The following PAX5 variants were observed in gnomAD, a reference collection of about 807,000 sequenced individuals.
PAX5 encodes the protein paired box protein Pax-5.
In PAX5, 9 loss-of-function variants were observed where a neutral mutation model predicts 43.7. That is an observed-to-expected ratio of 0.21 (90% confidence interval 0.12 to 0.36). The LOEUF (loss-of-function observed/expected upper bound fraction) is 0.36. PAX5 is among the 10% of genes least tolerant of loss of function. The probability of loss-of-function intolerance (pLI) is 1.00; values close to 1 mark genes in which losing one functional copy is unlikely to be tolerated. For missense variants in PAX5, 383 were observed against 532.7 expected (o/e 0.72, Z 2.77); for synonymous variants, 228 against 214.3 (o/e 1.06, Z -0.56).
At chr9:36,862,904 T>TA (rs1307234779) in intron 8 of PAX5, among the ~76,000 whole-genome samples, 2 of 152,124 alleles carry the variant, frequency 1.3e-5, no homozygotes, top group African/African-American at 4.8e-5. Flanking sequence ...AAGATGCCCT[T>TA]AAAACAGACC....
intron 8 of PAX5, chr9:36,860,990 C>G (rs1335079051): frequency 2.0e-5 from 3 of 152,314 alleles, no homozygotes; most frequent in Admixed American, 6.5e-5. Flanking sequence ...AGCCCACACA[C>G]CTGGCTGAGA....
chr9:36,976,447 G>C (rs1393843977), intron 5 of PAX5, among the ~76,000 whole-genome samples: 1 of 152,110 alleles, frequency 6.6e-6, no homozygotes, highest in South Asian at 2.1e-4. Context: ...GGGATTCCGG[G>C]TACAGGCAAC....
At chr9:36,998,452 C>A (rs928427489) in intron 5 of PAX5, among the ~76,000 whole-genome samples, 1 of 152,202 alleles carries the variant, frequency 6.6e-6, no homozygotes, top group South Asian at 2.1e-4. Context: ...CCTCCACTCA[C>A]CCTCGTTACT....
chr9:36,843,093 CGTGTGT>C (rs149354277), intron 9 of PAX5, among the ~76,000 whole-genome samples: 2 of 149,206 alleles, frequency 1.3e-5, no homozygotes, highest in Non-Finnish European at 3.0e-5. Context: ...TGTGTGTGTG[CGTGTGT>C]GTGTGTGAGT....
chr9:36,998,504 C>G (rs536486396), intron 5 of PAX5, among the ~76,000 whole-genome samples: 1 of 152,312 alleles, frequency 6.6e-6, no homozygotes, highest in East Asian at 1.9e-4. Flanking sequence ...TCCACTCTAC[C>G]AAGGAGCACT....
At chr9:36,918,470 C>T (rs1829884413) in intron 7 of PAX5, among the ~76,000 whole-genome samples, 1 of 152,018 alleles carries the variant, frequency 6.6e-6, no homozygotes, top group South Asian at 2.1e-4. Flanking sequence ...TGAGAACAGA[C>T]TGGGAAACAT....
At position 37,034,095 on chromosome 9, in the gene PAX5, T is replaced by TTTG; in HGVS notation, c.-65_-64insCAA. 1 of 784,836 alleles carries TTTG rather than the reference T, an allele frequency of 1.3e-6. No homozygotes were observed. The allele number at this position is 784,836 out of a possible 1,614,324, so 48.6% of individuals were successfully genotyped here. The stretch of plus-strand genomic sequence containing the variant: ...GTTTCCACTTTTTTGTGCCTTTTTT[T>TTTG]TTCTTTTTTTTTTTTTTTTTTTTTT... On this transcript the variant is annotated 5_prime_UTR_variant, in exon 1 of 10. Coordinates refer to ENST00000358127, the MANE Select transcript of PAX5 (RefSeq NM_016734.3).
intron 5 of PAX5, among the ~76,000 whole-genome samples, chr9:36,984,317 G>A (rs1441118116): frequency 6.6e-6 from 1 of 152,102 alleles, no homozygotes; most frequent in Middle Eastern, 3.2e-3. Context: ...GTTATATGCT[G>A]CCTCTGCCAA....
intron 8 of PAX5, among the ~76,000 whole-genome samples, chr9:36,878,529 C>A (rs985331614): frequency 1.3e-5 from 2 of 152,194 alleles, no homozygotes; most frequent in Non-Finnish European, 2.9e-5. Flanking sequence ...AGGTGGGAAG[C>A]TATTCAAGAA....
At chr9:37,003,649 C>T (rs1838134370) in intron 4 of PAX5, among the ~76,000 whole-genome samples, 1 of 151,904 alleles carries the variant, frequency 6.6e-6, no homozygotes, top group South Asian at 2.1e-4. Context: ...ACCAGCCTGG[C>T]CAACATAGCA....
At chr9:36,968,804 C>T (rs1834677034) in intron 5 of PAX5, among the ~76,000 whole-genome samples, 1 of 152,198 alleles carries the variant, frequency 6.6e-6, no homozygotes, top group Admixed American at 6.5e-5. Context: ...CACAAGGTCA[C>T]CTAGACTAGC....
intron 6 of PAX5, chr9:36,931,039 C>A (rs1024669499): frequency 4.3e-6 from 2 of 466,848 alleles, no homozygotes; most frequent in Non-Finnish European, 8.4e-6. Context: ...CAGGGCTGGT[C>A]ACCTCAGATG....
At chr9:36,890,532 T>G (rs1025560732) in intron 7 of PAX5, among the ~76,000 whole-genome samples, 1 of 152,140 alleles carries the variant, frequency 6.6e-6, no homozygotes, top group Non-Finnish European at 1.5e-5. Context: ...CTTCACCCCC[T>G]CTCTGGGCCT....
At chr9:36,977,484 C>G (rs1043094534) in intron 5 of PAX5, among the ~76,000 whole-genome samples, 1 of 152,078 alleles carries the variant, frequency 6.6e-6, no homozygotes, top group Non-Finnish European at 1.5e-5. Flanking sequence ...GAAAGGCCCC[C>G]TGTAGCCCGA....
At chr9:36,871,746 G>T (rs543335735) in intron 8 of PAX5, among the ~76,000 whole-genome samples, 4 of 152,174 alleles carry the variant, frequency 2.6e-5, no homozygotes, top group Non-Finnish European at 5.9e-5. Context: ...GAAGGAGCTG[G>T]AAACTGGGGA....
At chr9:37,019,282 C>T (rs1253965370) in intron 2 of PAX5, among the ~76,000 whole-genome samples, 1 of 152,182 alleles carries the variant, frequency 6.6e-6, no homozygotes, top group Non-Finnish European at 1.5e-5. Context: ...ATCCGCCTGC[C>T]TAAAACAACC....
chr9:36,916,057 GAA>G (rs5897663), intron 7 of PAX5, among the ~76,000 whole-genome samples: 1,615 of 144,510 alleles, frequency 0.011, 32 homozygotes, highest in African/African-American at 0.036. Flanking sequence ...AAGTGAGATT[GAA>G]AAAAAAAAAA....
chr9:36,897,716 C>G (rs1405994559), intron 7 of PAX5, among the ~76,000 whole-genome samples: 1 of 152,222 alleles, frequency 6.6e-6, no homozygotes, highest in East Asian at 1.9e-4. Context: ...CTGCCCTTCC[C>G]TCTGTCTTCA....
At chr9:36,987,468 C>T (rs1836527989) in intron 5 of PAX5, among the ~76,000 whole-genome samples, 1 of 152,204 alleles carries the variant, frequency 6.6e-6, no homozygotes, top group East Asian at 1.9e-4. Context: ...TTCTTCTCGC[C>T]GAATTTGCAC....
Sources: gnomAD v4.1 joint callset for allele counts (sites outside exome capture counted in the v4.1 genomes callset) on GRCh38, gnomAD v4.1.1 for gene constraint, MANE v1.5 for transcripts, NCBI Gene and HGNC (gene_info 2026-07-23, HGNC 2026-07-21) for gene names.